Variants in MBOAT2 observed in about 807,000 individuals in gnomAD.
MBOAT2 encodes membrane-bound glycerophospholipid O-acyltransferase 2.
MBOAT2 carries 28 observed loss-of-function variants against 63.4 expected under a neutral mutation model. The ratio of observed to expected loss-of-function variants is 0.44; its 90% CI spans 0.33 to 0.61. MBOAT2 has a LOEUF of 0.61. Ranked by LOEUF, MBOAT2 falls within the 20% of genes least tolerant of loss-of-function variation. The probability of loss-of-function intolerance (pLI) is 0.03; values close to 1 mark genes in which losing one functional copy is unlikely to be tolerated. For missense variants in MBOAT2, 470 were observed against 605.8 expected (o/e 0.78, Z 2.35); for synonymous variants, 211 against 215.6 (o/e 0.98, Z 0.19).
chr2:8,966,242 T>C (rs1669974576), intron 1 of MBOAT2, among the ~76,000 whole-genome samples: 1 of 152,208 alleles, frequency 6.6e-6, no homozygotes, highest in Non-Finnish European at 1.5e-5. Flanking sequence ...CATTGTTCAA[T>C]GCAATAGTCA....
At position 8,924,753 on chromosome 2, in the gene MBOAT2, C is replaced by T. The variant is rs77716524; in HGVS notation, c.300-16037G>A. Among the ~76,000 whole-genome samples the T allele has an allele frequency of 6.7e-3, 1,009 of 150,928 alleles. 9 individuals carry two copies. The highest frequency in any genetic ancestry group is 0.024 in the Middle Eastern group (7 of 290). Reference sequence around the variant, plus strand: ...ATCTAACTTTTGTTCCCACAACTGACTCAGTAAGATAATGAAGTCACTTAA... The same window carrying T: ...ATCTAACTTTTGTTCCCACAACTGATTCAGTAAGATAATGAAGTCACTTAA... On this transcript the variant is annotated intron_variant, in intron 3 of 12. Transcript: ENST00000305997.
At chr2:8,997,406 C>T (rs1048578476) in intron 1 of MBOAT2, among the ~76,000 whole-genome samples, 4 of 152,144 alleles carry the variant, frequency 2.6e-5, no homozygotes, top group Non-Finnish European at 1.5e-5. Flanking sequence ...GCTCTTGAAG[C>T]AGTGAGGAAG....
At chr2:8,892,322 A>G (rs1664063068) in intron 4 of MBOAT2, among the ~76,000 whole-genome samples, 1 of 152,232 alleles carries the variant, frequency 6.6e-6, no homozygotes, top group South Asian at 2.1e-4. Flanking sequence ...TCCTAAGTGT[A>G]CAAGTACCCT....
chr2:8,860,147 C>T lies in MBOAT2; in HGVS notation c.1337+466G>A, dbSNP rs183900096. ...GGTTGCAGTGAGCCGAGCGAGATTG[C>T]ACCACTGCACTCCAGCCTGGGCGAC... On this transcript the variant is annotated intron_variant, in intron 12 of 12. Coordinates refer to ENST00000305997, the MANE Select transcript of MBOAT2 (RefSeq NM_138799.4). Among the ~76,000 whole-genome samples the T allele has an allele frequency of 1.7e-3, 262 of 152,002 alleles. 1 individual carries two copies. The highest frequency in any genetic ancestry group is 5.9e-3 in the African/African-American group (246 of 41,460).
intron 2 of MBOAT2, among the ~76,000 whole-genome samples, chr2:8,948,717 C>G (rs560012057): frequency 6.6e-6 from 1 of 152,226 alleles, no homozygotes; most frequent in South Asian, 2.1e-4. Flanking sequence ...GTATATGTAC[C>G]ACATTTTCTT....
chr2:8,945,604 C>T (rs1274362511), intron 2 of MBOAT2, among the ~76,000 whole-genome samples: 1 of 152,114 alleles, frequency 6.6e-6, no homozygotes, highest in Non-Finnish European at 1.5e-5. Context: ...AACATCAAAA[C>T]TCACGTTGTT....
intron 1 of MBOAT2, among the ~76,000 whole-genome samples, chr2:8,965,560 T>C (rs1015645680): frequency 2.0e-5 from 3 of 152,326 alleles, no homozygotes; most frequent in South Asian, 2.1e-4. Context: ...AAAAATGTTA[T>C]CCACAAATTT....
At chr2:8,924,043 G>A (rs1172901799) in intron 3 of MBOAT2, among the ~76,000 whole-genome samples, 1 of 152,174 alleles carries the variant, frequency 6.6e-6, no homozygotes, top group Non-Finnish European at 1.5e-5. Flanking sequence ...AGTAAGAACA[G>A]ACAGCCAACC....
intron 1 of MBOAT2, among the ~76,000 whole-genome samples, chr2:8,971,405 A>G (rs1271177401): frequency 6.6e-6 from 1 of 152,218 alleles, no homozygotes; most frequent in Non-Finnish European, 1.5e-5. Flanking sequence ...CCCACAGCCA[A>G]TTTCATACTG....
At chr2:8,968,068 G>A (rs1670132369) in intron 1 of MBOAT2, among the ~76,000 whole-genome samples, 1 of 152,104 alleles carries the variant, frequency 6.6e-6, no homozygotes, top group Non-Finnish European at 1.5e-5. Context: ...TCTGAGAACA[G>A]ACAGACTGCC....
intron 1 of MBOAT2, among the ~76,000 whole-genome samples, chr2:9,001,323 T>C (rs983431371): frequency 1.1e-4 from 16 of 152,316 alleles, no homozygotes; most frequent in Admixed American, 9.2e-4. Context: ...ATACACAATG[T>C]GCTAGACTTT....
intron 6 of MBOAT2, among the ~76,000 whole-genome samples, chr2:8,878,513 T>A (rs1662866913): frequency 6.6e-6 from 1 of 152,116 alleles, no homozygotes; most frequent in African/African-American, 2.4e-5. Flanking sequence ...GAGAATACCC[T>A]CATAAACAGT....
intron 7 of MBOAT2, 136 bp downstream of exon 7, chr2:8,876,894 A>T: frequency 1.3e-6 from 1 of 761,450 alleles, no homozygotes; most frequent in Non-Finnish European, 2.1e-6. Flanking sequence ...TACCAGGTGC[A>T]GTGTGAAGTT....
chr2:8,943,752 C>T (rs571845630), intron 2 of MBOAT2, among the ~76,000 whole-genome samples: 23 of 152,224 alleles, frequency 1.5e-4, no homozygotes, highest in African/African-American at 4.1e-4. Context: ...AAAAGAAAAG[C>T]GTATACTCTT....
At chr2:8,938,194 ATC>A (rs1283960600) in intron 3 of MBOAT2, among the ~76,000 whole-genome samples, 1 of 152,220 alleles carries the variant, frequency 6.6e-6, no homozygotes, top group Non-Finnish European at 1.5e-5. Flanking sequence ...GGCACTCTGT[ATC>A]TCTGTTCCCT....
At chr2:8,994,161 C>A (rs762371160) in intron 1 of MBOAT2, among the ~76,000 whole-genome samples, 4 of 152,124 alleles carry the variant, frequency 2.6e-5, no homozygotes, top group Non-Finnish European at 5.9e-5. Flanking sequence ...TGGTCCTAGG[C>A]AGACGGGACA....
rs144524660 is a variant in MBOAT2, at chr2:8,923,741, T to C, written c.300-15025A>G. ...AAGAATACCATCAATTCCCACTGTT[T>C]TTGATCTAAAAGTCAGCAGTTTTTT... On this transcript the variant is annotated intron_variant, in intron 3 of 12. Coordinates refer to ENST00000305997, the MANE Select transcript of MBOAT2 (RefSeq NM_138799.4). Among the ~76,000 whole-genome samples, 35 of 152,328 alleles carry C rather than the reference T, an allele frequency of 2.3e-4. No homozygotes were observed. The Middle Eastern group carries it at 0.014, about 59-fold the overall frequency.
At chr2:8,991,475 C>T (rs1276674424) in intron 1 of MBOAT2, among the ~76,000 whole-genome samples, 1 of 152,166 alleles carries the variant, frequency 6.6e-6, no homozygotes, top group Non-Finnish European at 1.5e-5. Flanking sequence ...AAATTTGAAA[C>T]TCTTTCAGCC....
rs749578108 is a variant in MBOAT2, at chr2:8,958,488, A to C, written c.221+9T>G. 5.1e-6 allele frequency: 8 copies of C among 1,582,094 alleles called. No individual in the cohort carries two copies. The highest frequency in any genetic ancestry group is 6.0e-6 in the Non-Finnish European group (7 of 1,169,514). On this transcript the variant is annotated intron_variant, in intron 2 of 12. Transcript: ENST00000305997. ...TCTTCATTTTAAAAGGATCAAAATA[A>C]TTACTTACCATCCAAAGCAAAAAAG...
Sources: gnomAD v4.1 joint callset for allele counts (sites outside exome capture counted in the v4.1 genomes callset) on GRCh38, gnomAD v4.1.1 for gene constraint, MANE v1.5 for transcripts, NCBI Gene and HGNC (gene_info 2026-07-23, HGNC 2026-07-21) for gene names.